Variants in NAALADL2 observed in about 807,000 individuals in gnomAD.
The protein encoded by NAALADL2 is N-acetylated alpha-linked acidic dipeptidase like 2.
A neutral mutation model predicts 87.2 loss-of-function variants in NAALADL2; 76 were observed. The observed-to-expected ratio is 0.87, with a 90% CI of 0.72 to 1.05. The LOEUF (loss-of-function observed/expected upper bound fraction) is 1.05. Ranked by LOEUF, NAALADL2 falls within the 50% of genes least tolerant of loss-of-function variation. The probability of loss-of-function intolerance (pLI) is 0.00; values close to 1 mark genes in which losing one functional copy is unlikely to be tolerated. For synonymous variants in NAALADL2, 354 were observed against 331.0 expected, an observed-to-expected ratio of 1.07 and a Z score of -0.75; for missense variants, 1,089 against 945.8, an observed-to-expected ratio of 1.15 and a Z score of -1.99.
At chr3:175,107,376 T>C (rs1369867018) in intron 2 of NAALADL2, among the ~76,000 whole-genome samples, 3 of 151,998 alleles carry the variant, frequency 2.0e-5, no homozygotes, top group Non-Finnish European at 4.4e-5. Flanking sequence ...GGACTCAAGC[T>C]GTGTTCTTCC....
intron 5 of NAALADL2, among the ~76,000 whole-genome samples, chr3:175,387,694 A>G (rs1469849679): frequency 6.6e-6 from 1 of 152,130 alleles, no homozygotes; most frequent in Non-Finnish European, 1.5e-5. Flanking sequence ...TTGTGTTTAA[A>G]AACAGAATTT....
At chr3:175,043,210 T>G (rs1246730771) in intron 1 of NAALADL2, among the ~76,000 whole-genome samples, 1 of 152,060 alleles carries the variant, frequency 6.6e-6, no homozygotes, top group Non-Finnish European at 1.5e-5. Flanking sequence ...AAAATATGGT[T>G]ATTTGATTTT....
intron 3 of NAALADL2, among the ~76,000 whole-genome samples, chr3:174,838,119 A>T (rs1723578021): frequency 2.0e-5 from 3 of 152,110 alleles, no homozygotes; most frequent in African/African-American, 7.2e-5. Flanking sequence ...ACAGAATCCA[A>T]CAACGTATCA....
intron 3 of NAALADL2, among the ~76,000 whole-genome samples, chr3:174,743,559 A>G (rs1427849537): frequency 6.6e-6 from 1 of 151,890 alleles, no homozygotes; most frequent in Non-Finnish European, 1.5e-5. Context: ...CTCAGATGTC[A>G]TTAGTTCTTT....
chr3:174,987,816 A>ATATATATATT (rs1746166191), intron 1 of NAALADL2, among the ~76,000 whole-genome samples: 2 of 136,122 alleles, frequency 1.5e-5, no homozygotes, highest in African/African-American at 6.0e-5. Flanking sequence ...ATATAATTAT[A>ATATATATATT]TATATATATA....
intron 1 of NAALADL2, among the ~76,000 whole-genome samples, chr3:174,495,797 T>C (rs1262866169): frequency 6.6e-6 from 1 of 151,656 alleles, no homozygotes; most frequent in Non-Finnish European, 1.5e-5. Flanking sequence ...ATTCTACTTC[T>C]AATTTAGTAC....
intron 2 of NAALADL2, among the ~76,000 whole-genome samples, chr3:175,111,106 C>T (rs565445518): frequency 6.6e-6 from 1 of 151,666 alleles, no homozygotes; most frequent in Non-Finnish European, 1.5e-5. Flanking sequence ...GACTATTCAG[C>T]TATTCAAATC....
At chr3:175,764,107 C>A (rs1264020879) in intron 13 of NAALADL2, among the ~76,000 whole-genome samples, 1 of 150,240 alleles carries the variant, frequency 6.7e-6, no homozygotes, top group East Asian at 1.9e-4. Flanking sequence ...TTAAATTAAC[C>A]TTTATTTTAT....
At chr3:174,453,243 T>C (rs1715603228) in intron 1 of NAALADL2, among the ~76,000 whole-genome samples, 1 of 151,890 alleles carries the variant, frequency 6.6e-6, no homozygotes, top group Non-Finnish European at 1.5e-5. Flanking sequence ...TTAAAAAGAA[T>C]GAAAAAGAAC....
chr3:174,900,874 C>G (rs987203999), intron 1 of NAALADL2, among the ~76,000 whole-genome samples: 4 of 151,924 alleles, frequency 2.6e-5, no homozygotes, highest in Non-Finnish European at 5.9e-5. Context: ...CAGTAAGCTT[C>G]TTTAGAGTTC....
intron 2 of NAALADL2, among the ~76,000 whole-genome samples, chr3:175,110,005 A>G (rs1397072574): frequency 1.3e-5 from 2 of 151,830 alleles, no homozygotes; most frequent in African/African-American, 2.4e-5. Flanking sequence ...AAAAATATTG[A>G]AAGTACAGTA....
At chr3:175,066,909 T>G (rs1714633345) in intron 1 of NAALADL2, among the ~76,000 whole-genome samples, 2 of 152,278 alleles carry the variant, frequency 1.3e-5, no homozygotes, top group South Asian at 4.1e-4. Flanking sequence ...ATCAATAAAT[T>G]AAAAGGAAAT....
chr3:175,687,549 G>T (rs1485848463), intron 11 of NAALADL2, among the ~76,000 whole-genome samples: 1 of 152,130 alleles, frequency 6.6e-6, no homozygotes, highest in Non-Finnish European at 1.5e-5. Context: ...TGAGTTATGT[G>T]ACTAGCAAAC....
chr3:175,164,142 T>G (rs1733638601), intron 2 of NAALADL2, among the ~76,000 whole-genome samples: 3 of 152,092 alleles, frequency 2.0e-5, no homozygotes, highest in Admixed American at 2.0e-4. Context: ...AAATGTCCAT[T>G]TTTTGTTTTT....
Position 175,778,294 on chromosome 3 carries a change from C to T in NAALADL2, c.2189+22876C>T, listed in dbSNP as rs904674470. ...TAGCACTAGGAAAGTAGAGTAGTTA[C>T]AGAAAAGGGAATGGGTGGCATTTTC... On this transcript the variant is annotated intron_variant, in intron 13 of 13. Coordinates refer to ENST00000454872, the MANE Select transcript of NAALADL2 (RefSeq NM_207015.3). Among the ~76,000 whole-genome samples, 5 of 152,222 alleles carry T rather than the reference C, an allele frequency of 3.3e-5. No homozygotes were observed. The East Asian group carries it at 7.7e-4, about 24-fold the overall frequency.
At chr3:174,673,891 A>T (rs1428946257) in intron 2 of NAALADL2, among the ~76,000 whole-genome samples, 1 of 152,064 alleles carries the variant, frequency 6.6e-6, no homozygotes, top group Non-Finnish European at 1.5e-5. Flanking sequence ...CAATGTATGC[A>T]TGTATCAAAA....
chr3:175,175,546 C>T (rs568262559), intron 2 of NAALADL2, among the ~76,000 whole-genome samples: 1 of 151,992 alleles, frequency 6.6e-6, no homozygotes, highest in Non-Finnish European at 1.5e-5. Context: ...ATATTCTTCA[C>T]ATCACACTCT....
chr3:175,160,541 G>A (rs146681038), intron 2 of NAALADL2, among the ~76,000 whole-genome samples: 2,112 of 151,410 alleles, frequency 0.014, 19 homozygotes, highest in Non-Finnish European at 0.019. Context: ...TAATAGAGAC[G>A]GGGTTTCTCC....
intron 3 of NAALADL2, among the ~76,000 whole-genome samples, chr3:174,811,313 C>A (rs943532044): frequency 6.6e-6 from 1 of 152,206 alleles, no homozygotes; most frequent in African/African-American, 2.4e-5. Context: ...GCCACAGGTA[C>A]TCAACATCAG....
Sources: gnomAD v4.1 joint callset for allele counts (sites outside exome capture counted in the v4.1 genomes callset) on GRCh38, gnomAD v4.1.1 for gene constraint, MANE v1.5 for transcripts, NCBI Gene and HGNC (gene_info 2026-07-23, HGNC 2026-07-21) for gene names.